Variants in FYN observed in about 807,000 individuals in gnomAD.
FYN encodes tyrosine-protein kinase Fyn.
A neutral mutation model predicts 70.2 loss-of-function variants in FYN; 10 were observed. That is an observed-to-expected ratio of 0.14 (90% CI 0.09 to 0.24). The LOEUF (loss-of-function observed/expected upper bound fraction) is 0.24, where lower values mean the gene tolerates loss of function less well. Ranked by LOEUF, FYN falls within the 10% of genes least tolerant of loss-of-function variation. The pLI is 1.00. For missense variants in FYN, 319 were observed against 673.1 expected (o/e 0.47, Z 5.82); for synonymous variants, 236 against 248.6 (o/e 0.95, Z 0.48).
intron 2 of FYN, among the ~76,000 whole-genome samples, chr6:111,843,859 C>A (rs759601599): frequency 6.6e-6 from 1 of 152,086 alleles, no homozygotes; most frequent in Non-Finnish European, 1.5e-5. Flanking sequence ...GCGGCCGTGG[C>A]GATAGGGCAA....
chr6:111,709,379 G>A (rs1274704633), intron 5 of FYN, among the ~76,000 whole-genome samples: 1 of 152,188 alleles, frequency 6.6e-6, no homozygotes, highest in Non-Finnish European at 1.5e-5. Flanking sequence ...GACTCTCTGA[G>A]CAAGGTGAGC....
At chr6:111,704,305 T>C (rs1004690086) in intron 6 of FYN, among the ~76,000 whole-genome samples, 1 of 151,982 alleles carries the variant, frequency 6.6e-6, no homozygotes, top group Non-Finnish European at 1.5e-5. Context: ...TTTCACTCTT[T>C]AAAAAAAATC....
chr6:111,865,364 C>A (rs1774075676), intron 1 of FYN, among the ~76,000 whole-genome samples: 1 of 152,192 alleles, frequency 6.6e-6, no homozygotes, highest in Admixed American at 6.5e-5. Context: ...AATGGGAAAG[C>A]GCTCTCAACC....
At chr6:111,746,977 C>T (rs9398279) in intron 3 of FYN, among the ~76,000 whole-genome samples, 18,354 of 152,148 alleles carry the variant, frequency 0.12, 1,850 homozygotes, top group African/African-American at 0.28. Flanking sequence ...CGCTAATTTA[C>T]TGAGAATTTA....
chr6:111,727,098 G>A (rs185401288), intron 3 of FYN, among the ~76,000 whole-genome samples: 27 of 152,218 alleles, frequency 1.8e-4, no homozygotes, highest in African/African-American at 6.0e-4. Context: ...CATTACTAAC[G>A]GAGGCACTGA....
chr6:111,865,155 T>TC (rs1205807338), intron 1 of FYN, among the ~76,000 whole-genome samples: 1 of 152,130 alleles, frequency 6.6e-6, no homozygotes, highest in Admixed American at 6.5e-5. Context: ...TACTTTTTTC[T>TC]CCCCCAAACT....
intron 2 of FYN, among the ~76,000 whole-genome samples, chr6:111,845,265 C>G (rs1233155399): frequency 6.6e-6 from 1 of 152,262 alleles, no homozygotes; most frequent in East Asian, 1.9e-4. Flanking sequence ...CTGCTGTGGA[C>G]CTGGCCTAGT....
chr6:111,755,463 G>C (rs1207502883), intron 3 of FYN, among the ~76,000 whole-genome samples: 2 of 152,178 alleles, frequency 1.3e-5, no homozygotes, highest in African/African-American at 4.8e-5. Flanking sequence ...CTCTTGAAGA[G>C]ATTGACAGAT....
intron 2 of FYN, among the ~76,000 whole-genome samples, chr6:111,828,005 C>A (rs925368688): frequency 3.3e-5 from 5 of 152,198 alleles, no homozygotes; most frequent in African/African-American, 1.2e-4. Flanking sequence ...ACCACAATGG[C>A]CGCTTCACTC....
intron 3 of FYN, among the ~76,000 whole-genome samples, chr6:111,747,223 T>G (rs1449790653): frequency 6.6e-6 from 1 of 152,168 alleles, no homozygotes; most frequent in Non-Finnish European, 1.5e-5. Flanking sequence ...ATGAGATACT[T>G]GCACCCATGA....
At chr6:111,781,537 C>G (rs141675219) in intron 2 of FYN, among the ~76,000 whole-genome samples, 14 of 152,140 alleles carry the variant, frequency 9.2e-5, no homozygotes, top group Non-Finnish European at 4.4e-5. Flanking sequence ...ATTTACCTGT[C>G]GAGTCATGTT....
At chr6:111,854,580 CAG>C (rs752113174) in intron 1 of FYN, among the ~76,000 whole-genome samples, 2 of 152,184 alleles carry the variant, frequency 1.3e-5, no homozygotes, top group Non-Finnish European at 2.9e-5. Context: ...TCGCAGGAAA[CAG>C]ATCTGCTACA....
intron 2 of FYN, among the ~76,000 whole-genome samples, chr6:111,843,261 G>A (rs1773419002): frequency 6.6e-6 from 1 of 152,114 alleles, no homozygotes; most frequent in Non-Finnish European, 1.5e-5. Context: ...TAGTTGAAGT[G>A]GATATTATTT....
At chr6:111,669,092 G>A (rs1798139442) in intron 13 of FYN, among the ~76,000 whole-genome samples, 1 of 152,142 alleles carries the variant, frequency 6.6e-6, no homozygotes, top group Admixed American at 6.5e-5. Context: ...GTCACCTGTT[G>A]AATGATTTGA....
intron 1 of FYN, among the ~76,000 whole-genome samples, chr6:111,847,745 T>C (rs1319549674): frequency 2.6e-5 from 4 of 152,296 alleles, no homozygotes; most frequent in East Asian, 1.9e-4. Flanking sequence ...TAATCAAAGA[T>C]GACTCGGAAT....
In FYN at chr6:111,702,940, G is replaced by A; in HGVS notation, c.642C>T (p.Tyr214=). Residue 214 remains tyrosine (Y), a synonymous_variant, in exon 8 of 14, where the codon TAC becomes TAT. Transcript: ENST00000354650. ...KIRKLDNGGY[Y]ITTRAQFETL... is the part of the protein sequence containing the mutation. ...TTTCAAACTGGGCCCGGGTGGTAAT[G>A]TAGTATCCACCATTGTCAAGTTTGC... The A allele has an allele frequency of 6.2e-7, 1 of 1,614,040 alleles. No homozygotes were observed. Among genetic ancestry groups the A allele is most frequent in the Non-Finnish European group, 8.5e-7 (1 of 1,179,908 alleles).
At chr6:111,770,681 T>C (rs1056443800) in intron 3 of FYN, among the ~76,000 whole-genome samples, 1 of 152,168 alleles carries the variant, frequency 6.6e-6, no homozygotes, top group African/African-American at 2.4e-5. Context: ...CAAGTTCAAG[T>C]AGCATAGTGC....
chr6:111,682,063 T>C (rs1006274178), intron 12 of FYN, among the ~76,000 whole-genome samples: 22 of 152,210 alleles, frequency 1.4e-4, no homozygotes, highest in African/African-American at 4.8e-4. Context: ...TATTTCTTCA[T>C]AGCAACTTGC....
Position 111,674,487 on chromosome 6 carries a change from C to T in FYN, c.1405+12G>A. On this transcript the variant is annotated intron_variant, in intron 13 of 13. Transcript: ENST00000354650. ...CAATCTCAGGCCCATGTCTGTGAGG[C>T]CCTGCTCTTACCTGGGTATGGCACT... The T allele has an allele frequency of 1.2e-6, 2 of 1,608,534 alleles. No individual in the cohort carries two copies. Among genetic ancestry groups the T allele is most frequent in the Non-Finnish European group, 1.7e-6 (2 of 1,176,708 alleles).
Sources: gnomAD v4.1 joint callset for allele counts (sites outside exome capture counted in the v4.1 genomes callset) on GRCh38, gnomAD v4.1.1 for gene constraint, MANE v1.5 for transcripts, NCBI Gene and HGNC (gene_info 2026-07-23, HGNC 2026-07-21) for gene names.